Variants in PFKFB4 observed in about 807,000 individuals in gnomAD.
PFKFB4 encodes the protein 6-phosphofructo-2-kinase/fructose-2,6-biphosphatase 4.
Under a neutral mutation model 62.8 loss-of-function variants are expected in PFKFB4, and 42 were observed. The ratio of observed to expected loss-of-function variants is 0.67; its 90% confidence interval spans 0.52 to 0.86. The LOEUF is 0.86. Ranked by LOEUF, PFKFB4 falls within the 40% of genes least tolerant of loss-of-function variation. The probability of loss-of-function intolerance (pLI) is 0.00; values close to 1 mark genes in which losing one functional copy is unlikely to be tolerated. For missense variants in PFKFB4, 475 were observed against 627.2 expected (o/e 0.76, Z 2.59); for synonymous variants, 204 against 240.7 (o/e 0.85, Z 1.41).
chr3:48,523,545 A>G lies in PFKFB4; in HGVS notation c.1277T>C (p.Val426Ala). 2 of 1,613,986 alleles carry G rather than the reference A, an allele frequency of 1.2e-6. No homozygotes were observed. Among genetic ancestry groups the G allele is most frequent in the Non-Finnish European group, 1.7e-6 (2 of 1,179,902 alleles). Residue 426 changes from valine to alanine, a missense_variant, in exon 12 of 14, where the codon GTG (valine) becomes GCG (alanine). Val to Ala is a moderately conservative substitution (Grantham distance 64, BLOSUM62 0). Transcript: ENST00000232375. ...GCAGGAAGCTTCCTTACCATATGCC[A>G]CAGGAGTCAGCTTCAGGACTGTGTG... ...PLHTVLKLTP[V>A]AYGCKVESIF...
chr3:48,560,200 C>T (rs146873512), upstream of PFKFB4, among the ~76,000 whole-genome samples: 30 of 152,294 alleles, frequency 2.0e-4, no homozygotes, highest in East Asian at 3.9e-4. Flanking sequence ...CACACACAGA[C>T]GCACACACAC....
At chr3:48,561,043 C>G, upstream of PFKFB4, 1 of 1,276,760 alleles carries the variant, frequency 7.8e-7, no homozygotes, top group Non-Finnish European at 1.0e-6. This position sits in a 1 kb window ranked among gnomAD's most constrained non-coding sequence, Gnocchi z 5.2. Context: ...CACGCTGTCC[C>G]GTGCCTACCC....
chr3:48,519,796 A>T lies in PFKFB4; in HGVS notation c.1361T>A (p.Ile454Asn). 1 of 1,613,626 alleles carries T rather than the reference A, an allele frequency of 6.2e-7. No individual in the cohort carries two copies. Among genetic ancestry groups the T allele is most frequent in the Non-Finnish European group, 8.5e-7 (1 of 1,179,618 alleles). The change falls in exon 14 of 14, where the codon ATC becomes AAC. Residue 454 changes from isoleucine to asparagine, a missense_variant. Coordinates refer to ENST00000232375, the MANE Select transcript of PFKFB4 (RefSeq NM_004567.4). ...AAGGGCTTCCTCTGGAGGTCTTGAG[A>T]TGTCCACGTTCTGTACAATAAAAAC... is the stretch of plus-strand genomic sequence containing the variant. ...THRDRPQNVD[I>N]SRPPEEALVT...
intron 7 of PFKFB4, among the ~76,000 whole-genome samples, chr3:48,538,023 C>T (rs1474157419): frequency 1.3e-5 from 2 of 152,208 alleles, no homozygotes; most frequent in Non-Finnish European, 2.9e-5. Context: ...ATTTGGTAAA[C>T]TGTGGCCAGC....
At chr3:48,524,172 G>A (rs531750743) in intron 10 of PFKFB4, among the ~76,000 whole-genome samples, 3 of 152,318 alleles carry the variant, frequency 2.0e-5, no homozygotes, top group Non-Finnish European at 2.9e-5. Flanking sequence ...CCTGCTTCCA[G>A]CCCACAGCAA....
chr3:48,539,962 C>T (rs2042749940), intron 4 of PFKFB4, among the ~76,000 whole-genome samples, 191 bp from the exon 5 acceptor site: 1 of 152,144 alleles, frequency 6.6e-6, no homozygotes, highest in Admixed American at 6.5e-5. Flanking sequence ...GCTGGCCCTC[C>T]CCTTCCTTGG....
chr3:48,542,142 C>G (rs913737788), intron 4 of PFKFB4, among the ~76,000 whole-genome samples: 1 of 151,750 alleles, frequency 6.6e-6, no homozygotes, highest in Non-Finnish European at 1.5e-5. Flanking sequence ...GTCAGGAGAT[C>G]GAGACCATGG....
Position 48,522,045 on chromosome 3 carries a change from T to C in PFKFB4, c.1291A>G (p.Lys431Glu), listed in dbSNP as rs1374614894. The change falls in exon 13 of 14, where the codon AAA (lysine) becomes GAA (glutamate). Residue 431 changes from lysine to glutamate, a missense_variant. Transcript: ENST00000232375. ...ACGTTCAGGAATATGGACTCCACTT[T>C]ACAACCTGCCAAAGGGAAGATGCAA... ...LKLTPVAYGC[K>E]VESIFLNVAA... 3 of 1,614,060 alleles carry C rather than the reference T, an allele frequency of 1.9e-6. No individual in the cohort carries two copies. Among genetic ancestry groups the C allele is most frequent in the Non-Finnish European group, 1.7e-6 (2 of 1,179,938 alleles).
chr3:48,543,591 C>A lies in PFKFB4; in HGVS notation c.367G>T (p.Gly123Ter), dbSNP rs970291168. Residue 123 changes from glycine to a stop codon, truncating the protein, a stop_gained, in exon 4 of 14, where the codon GGA becomes TGA. Transcript: ENST00000232375. LOFTEE classifies it high-confidence loss of function. ...DVRRFLSEEG[G>*]HVAVFDATNT... ...GGTGTCACACTCACCGCCACATGTC[C>A]CCCCTCCTCACTAAGGAACCGCCGG... The A allele has an allele frequency of 1.2e-6, 2 of 1,609,850 alleles. No individual in the cohort carries two copies. Among genetic ancestry groups the A allele is most frequent in the African/African-American group, 2.7e-5 (2 of 74,900 alleles).
chr3:48,557,019 T>G, upstream of PFKFB4: 1 of 1,311,176 alleles, frequency 7.6e-7, no homozygotes, highest in Non-Finnish European at 9.9e-7. Flanking sequence ...GCCCAGTTCT[T>G]CAGGCCAGGA....
At chr3:48,532,305 G>T (rs760381181) in intron 9 of PFKFB4, among the ~76,000 whole-genome samples, 1 of 152,006 alleles carries the variant, frequency 6.6e-6, no homozygotes, top group African/African-American at 2.4e-5. Flanking sequence ...GCGAGATTCC[G>T]TTTCAAAATA....
At chr3:48,560,248 A>G (rs1409584960), upstream of PFKFB4, among the ~76,000 whole-genome samples, 1 of 152,210 alleles carries the variant, frequency 6.6e-6, no homozygotes, top group Non-Finnish European at 1.5e-5. Flanking sequence ...AGAGACAGGC[A>G]GGCTGCAGTG....
At position 48,519,689 on chromosome 3, in the gene PFKFB4, G is replaced by A; in HGVS notation, c.*58C>T. The stretch of plus-strand genomic sequence containing the variant: ...ACTATCACACACACTGGAGGGCCTG[G>A]AATGACCCCCTCTGCAGAGAGCAGT... On this transcript the variant is annotated 3_prime_UTR_variant, in exon 14 of 14. Coordinates refer to ENST00000232375, the MANE Select transcript of PFKFB4 (RefSeq NM_004567.4). 7.8e-7 allele frequency: 1 copy of A among 1,285,156 alleles called. No individual in the cohort carries two copies. Among genetic ancestry groups the A allele is most frequent in the Non-Finnish European group, 1.1e-6 (1 of 882,706 alleles). 79.6% of individuals were successfully genotyped at this position (1,285,156 alleles called of 1,614,324 possible).
At chr3:48,520,762 C>T (rs943852701) in intron 13 of PFKFB4, among the ~76,000 whole-genome samples, 26 of 152,208 alleles carry the variant, frequency 1.7e-4, no homozygotes, top group Admixed American at 7.9e-4. Context: ...AAGCACCCAC[C>T]CATAGTGGGC....
chr3:48,539,925 A>C (rs1560167883), intron 4 of PFKFB4, among the ~76,000 whole-genome samples, 154 bp from the exon 5 acceptor site: 1 of 152,196 alleles, frequency 6.6e-6, no homozygotes. Flanking sequence ...CTGCCTGGCC[A>C]GTCTCCTCCA....
At chr3:48,523,457 G>A in intron 12 of PFKFB4, 80 bp downstream of exon 12, 2 of 1,357,996 alleles carry the variant, frequency 1.5e-6, no homozygotes, top group Non-Finnish European at 2.1e-6. Flanking sequence ...AATTTTCAAG[G>A]AATTCGGAGA....
At chr3:48,528,940 T>C (rs2042347163) in intron 9 of PFKFB4, among the ~76,000 whole-genome samples, 1 of 152,218 alleles carries the variant, frequency 6.6e-6, no homozygotes. Flanking sequence ...GATTTCTATC[T>C]GGGGTGATGA....
chr3:48,531,834 CA>C (rs1017103654), intron 9 of PFKFB4, among the ~76,000 whole-genome samples: 2 of 151,776 alleles, frequency 1.3e-5, no homozygotes, highest in African/African-American at 2.4e-5. Flanking sequence ...GCAGGAATAA[CA>C]AATCAAAACC....
At chr3:48,547,627 C>T (rs907768086) in intron 3 of PFKFB4, among the ~76,000 whole-genome samples, 1 of 152,188 alleles carries the variant, frequency 6.6e-6, no homozygotes, top group African/African-American at 2.4e-5. Flanking sequence ...AGGCGCCCCA[C>T]CACATGTGGC....
Sources: allele counts gnomAD v4.1 joint callset (sites outside exome capture counted in the v4.1 genomes callset), GRCh38; gene constraint gnomAD v4.1.1; non-coding constraint Gnocchi (gnomAD v3.1); transcripts MANE v1.5; gene names NCBI Gene and HGNC (gene_info 2026-07-23, HGNC 2026-07-21).